The following ASTN2 variants were observed in gnomAD, a reference collection of about 807,000 sequenced individuals.
ASTN2 encodes the protein astrotactin-2.
Under a neutral mutation model 139.8 loss-of-function variants are expected in ASTN2, and 54 were observed. That is an observed-to-expected ratio of 0.39 (90% CI 0.31 to 0.48). ASTN2 has a LOEUF of 0.48. Among genes scored for constraint, ASTN2 ranks in the 20% least tolerant of loss-of-function variants. ASTN2 has a pLI of 0.95. For synonymous variants in ASTN2, 756 were observed against 719.5 expected (o/e 1.05, Z -0.81); for missense variants, 1,565 against 1,725.1 (o/e 0.91, Z 1.64).
intron 10 of ASTN2, among the ~76,000 whole-genome samples, chr9:116,905,393 C>T (rs1000559979): frequency 2.6e-5 from 4 of 152,134 alleles, no homozygotes; most frequent in African/African-American, 7.2e-5. Context: ...AAGAAAGCAG[C>T]GTGTCCTGAA....
intron 19 of ASTN2, among the ~76,000 whole-genome samples, chr9:116,595,261 T>C (rs1279893366): frequency 6.6e-6 from 1 of 152,224 alleles, no homozygotes; most frequent in Non-Finnish European, 1.5e-5. Context: ...CTTCCCACAA[T>C]GCTTACAAAA....
chr9:116,773,695 CA>C (rs61130153), intron 13 of ASTN2, among the ~76,000 whole-genome samples: 33,665 of 152,066 alleles, frequency 0.22, 4,004 homozygotes, highest in African/African-American at 0.32. Flanking sequence ...CAGTAAGAGC[CA>C]TTATCCTCAT....
intron 1 of ASTN2, among the ~76,000 whole-genome samples, chr9:117,402,883 T>C (rs1240909982): frequency 3.3e-5 from 5 of 152,054 alleles, no homozygotes; most frequent in Non-Finnish European, 5.9e-5. Flanking sequence ...TGACACCCCT[T>C]AGAGCAGATG....
chr9:117,408,315 G>A (rs1471349640), intron 1 of ASTN2, among the ~76,000 whole-genome samples: 1 of 152,148 alleles, frequency 6.6e-6, no homozygotes, highest in African/African-American at 2.4e-5. Flanking sequence ...AATTTGGACT[G>A]TAGGGTAGGT....
chr9:116,783,085 G>C (rs1278222289), intron 13 of ASTN2, among the ~76,000 whole-genome samples: 1 of 152,098 alleles, frequency 6.6e-6, no homozygotes, highest in African/African-American at 2.4e-5. Context: ...GTAAAACTAG[G>C]ATATATGAGC....
chr9:116,597,299 A>ATTTTTGTTTTTTTGTTTT (rs1554718677), intron 19 of ASTN2, among the ~76,000 whole-genome samples: 1 of 75,530 alleles, frequency 1.3e-5, no homozygotes, highest in Non-Finnish European at 2.4e-5. Context: ...CTTTTGATCT[A>ATTTTTGTTTTTTTGTTTT]TTTTTTTTTT....
intron 2 of ASTN2, among the ~76,000 whole-genome samples, chr9:117,215,062 GT>G (rs1044266888): frequency 1.3e-5 from 2 of 152,172 alleles, no homozygotes; most frequent in African/African-American, 4.8e-5. Context: ...TAACGGTCAT[GT>G]CAGAGCAATA....
At chr9:116,641,846 T>C (rs1254018480) in intron 17 of ASTN2, among the ~76,000 whole-genome samples, 2 of 152,048 alleles carry the variant, frequency 1.3e-5, no homozygotes, top group Non-Finnish European at 1.5e-5. Context: ...TTCTCCCTCT[T>C]TTCTTTGATC....
At chr9:117,171,338 T>G (rs979628515) in intron 3 of ASTN2, among the ~76,000 whole-genome samples, 2 of 152,192 alleles carry the variant, frequency 1.3e-5, no homozygotes, top group Non-Finnish European at 2.9e-5. Flanking sequence ...CATGGGTTCC[T>G]GGCCTAGCTG....
rs535103740 is a variant in ASTN2 at position 117,262,354 on chromosome 9, T to C, written c.630+28972A>G. Among the ~76,000 whole-genome samples the C allele has an allele frequency of 2.6e-5, 4 of 152,324 alleles. No homozygotes were observed. The South Asian group carries it at 8.3e-4, about 32-fold the overall frequency. On this transcript the variant is annotated intron_variant, in intron 2 of 22. Transcript: ENST00000313400. Reference sequence around the variant, plus strand: ...ATTAATTTCATCTCCTACCTAATACTGAATATTCCCACCCAACACTGTGGT... The same window carrying C: ...ATTAATTTCATCTCCTACCTAATACCGAATATTCCCACCCAACACTGTGGT...
chr9:117,120,534 C>T (rs1320601029), intron 4 of ASTN2, among the ~76,000 whole-genome samples: 1 of 152,094 alleles, frequency 6.6e-6, no homozygotes, highest in Non-Finnish European at 1.5e-5. Context: ...TAGCAGAGAC[C>T]CCAGGCATAC....
At chr9:117,021,638 G>A (rs1837883751) in intron 6 of ASTN2, among the ~76,000 whole-genome samples, 1 of 152,122 alleles carries the variant, frequency 6.6e-6, no homozygotes, top group Non-Finnish European at 1.5e-5. Flanking sequence ...AATACAGAGC[G>A]AGGCAGCTGG....
intron 1 of ASTN2, among the ~76,000 whole-genome samples, chr9:117,345,896 T>G (rs2130871820): frequency 6.6e-6 from 1 of 151,972 alleles, no homozygotes; most frequent in African/African-American, 2.4e-5. Flanking sequence ...TTAGACCTAC[T>G]TACTCTCATT....
intron 3 of ASTN2, among the ~76,000 whole-genome samples, chr9:117,200,235 C>T (rs1211593358): frequency 6.8e-6 from 1 of 146,166 alleles, no homozygotes; most frequent in East Asian, 2.1e-4. Context: ...TCCCCCCTCC[C>T]CCTACCCAAC....
intron 2 of ASTN2, among the ~76,000 whole-genome samples, chr9:117,250,527 T>C (rs1833508536): frequency 6.6e-6 from 1 of 152,244 alleles, no homozygotes. Flanking sequence ...TTCTAACCAT[T>C]ATTTGATCTT....
intron 16 of ASTN2, among the ~76,000 whole-genome samples, chr9:116,709,298 C>T (rs1417135362): frequency 6.6e-6 from 1 of 152,214 alleles, no homozygotes; most frequent in Non-Finnish European, 1.5e-5. Context: ...CCTTCCCAGA[C>T]CCTTTGGATA....
chr9:116,884,104 G>A (rs1833525110), intron 10 of ASTN2, among the ~76,000 whole-genome samples: 1 of 152,178 alleles, frequency 6.6e-6, no homozygotes, highest in Non-Finnish European at 1.5e-5. Context: ...CAAGCGGAGT[G>A]TGCCTAGAGT....
At chr9:117,394,426 C>G (rs2130950443) in intron 1 of ASTN2, among the ~76,000 whole-genome samples, 1 of 152,216 alleles carries the variant, frequency 6.6e-6, no homozygotes, top group Non-Finnish European at 1.5e-5. Flanking sequence ...CTAGTGGCCA[C>G]TATATTGGAT....
intron 19 of ASTN2, among the ~76,000 whole-genome samples, chr9:116,507,172 C>T (rs184918441): frequency 1.1e-4 from 17 of 152,224 alleles, no homozygotes; most frequent in East Asian, 5.8e-4. Context: ...CATCAGTGAG[C>T]GTCTCCAAAC....
Sources: allele counts gnomAD v4.1 joint callset (sites outside exome capture counted in the v4.1 genomes callset), GRCh38; gene constraint gnomAD v4.1.1; transcripts MANE v1.5; gene names NCBI Gene and HGNC (gene_info 2026-07-23, HGNC 2026-07-21).